The following INPP4B variants were observed in gnomAD, a reference collection of about 807,000 sequenced individuals.
INPP4B encodes the protein inositol polyphosphate-4-phosphatase type II B.
A neutral mutation model predicts 122.5 loss-of-function variants in INPP4B; 55 were observed. The ratio of observed to expected loss-of-function variants is 0.45; its 90% confidence interval spans 0.36 to 0.56. The LOEUF (loss-of-function observed/expected upper bound fraction) is 0.56, where lower values mean the gene tolerates loss of function less well. INPP4B is among the 20% of genes least tolerant of loss of function. INPP4B has a pLI of 0.00. For synonymous variants in INPP4B, 403 were observed against 388.7 expected (o/e 1.04, Z -0.43); for missense variants, 1,000 against 1,097.7 (o/e 0.91, Z 1.26).
intron 17 of INPP4B, among the ~76,000 whole-genome samples, chr4:142,158,066 C>G (rs1818144171): frequency 6.6e-6 from 1 of 152,080 alleles, no homozygotes; most frequent in Admixed American, 6.6e-5. Flanking sequence ...GTGCCTCTCA[C>G]ATAGCCTTTG....
intron 11 of INPP4B, among the ~76,000 whole-genome samples, chr4:142,245,633 G>A (rs573996997): frequency 6.6e-6 from 1 of 151,922 alleles, no homozygotes; most frequent in African/African-American, 2.4e-5. Context: ...CTCTTTTTCT[G>A]TTGTTTGCAA....
chr4:142,157,343 G>A (rs1231082885), intron 17 of INPP4B, among the ~76,000 whole-genome samples: 3 of 152,062 alleles, frequency 2.0e-5, no homozygotes, highest in Non-Finnish European at 2.9e-5. Flanking sequence ...AGTAGAAAGC[G>A]GTTGCTAAGG....
intron 1 of INPP4B, among the ~76,000 whole-genome samples, chr4:142,799,518 C>G (rs1356964889): frequency 1.3e-5 from 2 of 151,654 alleles, no homozygotes; most frequent in East Asian, 3.9e-4. Context: ...AATATGTATG[C>G]TATTAAAAGA....
intron 25 of INPP4B, among the ~76,000 whole-genome samples, chr4:142,046,848 G>C (rs1751754502): frequency 6.6e-6 from 1 of 152,026 alleles, no homozygotes; most frequent in Non-Finnish European, 1.5e-5. Context: ...CTGGAGTAAA[G>C]CAAGAGGAGG....
intron 25 of INPP4B, among the ~76,000 whole-genome samples, chr4:142,060,216 T>TA (rs1429823466): frequency 6.6e-6 from 1 of 152,166 alleles, no homozygotes; most frequent in Admixed American, 6.6e-5. Context: ...ATTTATTAAT[T>TA]AGCTATCATT....
intron 2 of INPP4B, among the ~76,000 whole-genome samples, chr4:142,509,050 A>G (rs535360867): frequency 6.6e-6 from 1 of 152,308 alleles, no homozygotes; most frequent in East Asian, 1.9e-4. Flanking sequence ...AGCAACTGAT[A>G]AATAACTTTT....
At chr4:142,375,646 A>C (rs1286626085) in intron 7 of INPP4B, among the ~76,000 whole-genome samples, 1 of 151,956 alleles carries the variant, frequency 6.6e-6, no homozygotes, top group Non-Finnish European at 1.5e-5. Flanking sequence ...TTCTTGAATA[A>C]AAGGGACAAA....
chr4:142,542,038 T>C (rs1273789283), intron 2 of INPP4B, among the ~76,000 whole-genome samples: 1 of 152,162 alleles, frequency 6.6e-6, no homozygotes, highest in Admixed American at 6.6e-5. Context: ...GTGGATTTCC[T>C]GCAAGTTCCA....
At chr4:142,227,964 C>G (rs1179932920) in intron 12 of INPP4B, among the ~76,000 whole-genome samples, 1 of 122,856 alleles carries the variant, frequency 8.1e-6, no homozygotes, top group South Asian at 2.6e-4. Context: ...AGGGTAAAAA[C>G]AAAATTTCTA....
chr4:142,472,255 T>C (rs905870003), intron 2 of INPP4B, among the ~76,000 whole-genome samples: 2 of 151,446 alleles, frequency 1.3e-5, no homozygotes, highest in Non-Finnish European at 2.9e-5. Context: ...CAGTAGCTTA[T>C]AGCATCAAAT....
chr4:142,553,868 C>T (rs750668103), intron 2 of INPP4B, among the ~76,000 whole-genome samples: 34 of 152,134 alleles, frequency 2.2e-4, no homozygotes, highest in Non-Finnish European at 4.0e-4. Flanking sequence ...CAATGAATGG[C>T]TGCACCGTCA....
At chr4:142,778,063 C>T (rs1774209912) in intron 1 of INPP4B, among the ~76,000 whole-genome samples, 1 of 152,168 alleles carries the variant, frequency 6.6e-6, no homozygotes, top group African/African-American at 2.4e-5. Flanking sequence ...CCAGATTTTA[C>T]TATTACACCA....
intron 1 of INPP4B, among the ~76,000 whole-genome samples, chr4:142,828,121 G>T (rs918944275): frequency 2.6e-5 from 4 of 152,036 alleles, no homozygotes; most frequent in Admixed American, 6.6e-5. Flanking sequence ...CATATACAAT[G>T]CTGAGCTCAC....
intron 17 of INPP4B, among the ~76,000 whole-genome samples, chr4:142,159,504 A>ATTTACTCCCCATTCTTAAATTCT (rs1460627933): frequency 6.6e-6 from 1 of 151,910 alleles, no homozygotes; most frequent in Non-Finnish European, 1.5e-5. Flanking sequence ...CTTTCAAGTA[A>ATTTACTCCCCATTCTTAAATTCT]TTTACTCCCC....
At chr4:142,255,049 T>G (rs947331334) in intron 11 of INPP4B, among the ~76,000 whole-genome samples, 5 of 151,984 alleles carry the variant, frequency 3.3e-5, no homozygotes, top group African/African-American at 1.2e-4. Flanking sequence ...GGGCCAATAT[T>G]CAACATTCTT....
rs1013994802 is a variant in INPP4B, at chr4:142,270,763, C to T, written c.515G>A (p.Gly172Asp). The change falls in exon 10 of 26, where the codon GGT becomes GAT. Residue 172 changes from glycine to aspartate, a missense_variant. Physicochemically the swap from Gly to Asp is moderately conservative, Grantham distance 94. Transcript: ENST00000262992. ...LLVLSLRTSDGGKVVGTIEVS... is the reference protein window; with the variant it reads ...LLVLSLRTSDDGKVVGTIEVS... The stretch of plus-strand genomic sequence containing the variant: ...TTCTATGGTGCCAACCACTTTGCCA[C>T]CATCTGAAGTTCTGCAACAAAAAAT... The T allele has an allele frequency of 2.5e-6, 4 of 1,612,292 alleles. No homozygotes were observed. In the African/African-American group the frequency reaches 4.0e-5, roughly 16 times the overall value.
At chr4:142,646,741 A>G (rs1164413817) in intron 2 of INPP4B, among the ~76,000 whole-genome samples, 1 of 152,236 alleles carries the variant, frequency 6.6e-6, no homozygotes, top group Non-Finnish European at 1.5e-5. Context: ...AGGAAATTGC[A>G]GGACCACTGG....
intron 18 of INPP4B, among the ~76,000 whole-genome samples, chr4:142,136,162 T>C (rs1010752908): frequency 6.6e-6 from 1 of 152,062 alleles, no homozygotes; most frequent in African/African-American, 2.4e-5. Context: ...GTACAGAGCC[T>C]CAAAGGCAGT....
chr4:142,529,738 T>C (rs1023160241), intron 2 of INPP4B, among the ~76,000 whole-genome samples: 3 of 152,036 alleles, frequency 2.0e-5, no homozygotes, highest in Non-Finnish European at 4.4e-5. Context: ...AATTTTGATT[T>C]TTTTGACCAG....
Sources: gnomAD v4.1 joint callset for allele counts (sites outside exome capture counted in the v4.1 genomes callset) on GRCh38, gnomAD v4.1.1 for gene constraint, MANE v1.5 for transcripts, NCBI Gene and HGNC (gene_info 2026-07-23, HGNC 2026-07-21) for gene names.